ARAP2: variants seen among roughly 807,000 people sequenced by gnomAD.
The protein encoded by ARAP2 is ArfGAP with RhoGAP domain, ankyrin repeat and PH domain 2.
Under a neutral mutation model 194.5 loss-of-function variants are expected in ARAP2, and 148 were observed. That is an observed-to-expected ratio of 0.76 (90% CI 0.67 to 0.87). The LOEUF is 0.87. Among genes scored for constraint, ARAP2 ranks in the 40% least tolerant of loss-of-function variants. ARAP2 has a pLI of 0.00. For synonymous variants in ARAP2, 695 were observed against 683.5 expected (o/e 1.02, Z -0.26); for missense variants, 2,128 against 1,989.7 (o/e 1.07, Z -1.32).
In ARAP2 at chr4:36,080,197, G is replaced by T; in HGVS notation, c.4608+19C>A. On this transcript the variant is annotated intron_variant, in intron 31 of 32. Transcript: ENST00000303965. ...CAAAGTTATTATACTCTACTGGATAGTTCAAACAAATCTCGTACCTGGGCA... is the reference window on the plus strand; with the variant it reads ...CAAAGTTATTATACTCTACTGGATATTTCAAACAAATCTCGTACCTGGGCA... 3 of 1,605,722 alleles carry T rather than the reference G, an allele frequency of 1.9e-6. No homozygotes were observed. The highest frequency in any genetic ancestry group is 3.3e-5 in the Admixed American group (2 of 59,904).
At chr4:36,030,183 A>T (rs1024946324) in intron 5 of ARAP2, among the ~76,000 whole-genome samples, 1 of 152,086 alleles carries the variant, frequency 6.6e-6, no homozygotes, top group Admixed American at 6.5e-5. Context: ...CTTGGCTGGA[A>T]ATAAGATTCT....
rs10632831 is a variant in ARAP2 at position 36,096,362 on chromosome 4, C to CAAAA, written c.4286-4346_4286-4343dup. On this transcript the variant is annotated intron_variant, in intron 27 of 32. Transcript: ENST00000303965. ...TCTGGGCGGCAGAGTGAGACTCTCT[C>CAAAA]AAAAAAAAAAAAAAAAAAGAAAAAG... Among the ~76,000 whole-genome samples, 12 of 80,912 alleles carry CAAAA rather than the reference C, an allele frequency of 1.5e-4. No homozygotes were observed. The East Asian group carries it at 2.0e-3, about 13-fold the overall frequency. 53.1% of individuals were successfully genotyped at this position (80,912 alleles called of 152,430 possible).
chr4:36,180,596 T>C (rs1739006986), intron 8 of ARAP2, among the ~76,000 whole-genome samples: 1 of 152,234 alleles, frequency 6.6e-6, no homozygotes, highest in Non-Finnish European at 1.5e-5. Context: ...TGTTTGTTTC[T>C]TTATTTGTGC....
chr4:36,083,299 C>T (rs910382658), intron 29 of ARAP2, 69 bp downstream of exon 29: 5 of 1,142,004 alleles, frequency 4.4e-6, no homozygotes, highest in African/African-American at 3.1e-5. Context: ...GCCACTGATC[C>T]CTAAATCCTT....
At chr4:36,137,633 T>C (rs1211758068) in intron 19 of ARAP2, among the ~76,000 whole-genome samples, 3 of 151,668 alleles carry the variant, frequency 2.0e-5, no homozygotes, top group African/African-American at 7.3e-5. Context: ...ACTGGAAATA[T>C]CTCTGCCAAG....
At chr4:36,062,844 T>C (rs1334669555), downstream of ARAP2, among the ~76,000 whole-genome samples, 3 of 152,190 alleles carry the variant, frequency 2.0e-5, no homozygotes, top group African/African-American at 4.8e-5. Context: ...ATGTAATTTG[T>C]AATATTTTAA....
intron 6 of ARAP2, among the ~76,000 whole-genome samples, chr4:36,207,116 A>G (rs1745703955): frequency 6.6e-6 from 1 of 152,246 alleles, no homozygotes; most frequent in Non-Finnish European, 1.5e-5. Context: ...TTTTCTTTAC[A>G]ACAGCTTCAA....
intron 32 of ARAP2, among the ~76,000 whole-genome samples, chr4:36,072,757 T>C (rs2109315284): frequency 6.6e-6 from 1 of 151,634 alleles, no homozygotes; most frequent in Middle Eastern, 3.5e-3. Context: ...ACATATTCCT[T>C]ACTTTGATTA....
At chr4:36,102,436 G>T (rs577416377) in intron 27 of ARAP2, among the ~76,000 whole-genome samples, 1 of 151,906 alleles carries the variant, frequency 6.6e-6, no homozygotes, top group Non-Finnish European at 1.5e-5. Flanking sequence ...GTCAGTACTT[G>T]CTCAGTTATA....
At chr4:36,134,532 C>T (rs1299451110) in intron 19 of ARAP2, among the ~76,000 whole-genome samples, 1 of 151,686 alleles carries the variant, frequency 6.6e-6, no homozygotes. Flanking sequence ...TTTCCCAATT[C>T]TCAACCCCTG....
At chr4:36,172,198 C>A (rs377646669) in intron 9 of ARAP2, among the ~76,000 whole-genome samples, 3 of 152,180 alleles carry the variant, frequency 2.0e-5, no homozygotes, top group African/African-American at 7.2e-5. Context: ...CTTAGCAGAT[C>A]TGGCCACTGC....
At chr4:36,099,553 G>T (rs1716291227) in intron 27 of ARAP2, among the ~76,000 whole-genome samples, 1 of 151,980 alleles carries the variant, frequency 6.6e-6, no homozygotes, top group Admixed American at 6.6e-5. Context: ...AGCCTTCCCT[G>T]GTTTGTGACA....
At chr4:36,222,791 A>C (rs1749465549) in intron 2 of ARAP2, among the ~76,000 whole-genome samples, 1 of 152,040 alleles carries the variant, frequency 6.6e-6, no homozygotes, top group Non-Finnish European at 1.5e-5. Context: ...TGTATGTTTG[A>C]AATTTTCCAA....
chr4:36,034,259 T>C (rs1378638969), intron 5 of ARAP2, among the ~76,000 whole-genome samples: 1 of 152,176 alleles, frequency 6.6e-6, no homozygotes, highest in Non-Finnish European at 1.5e-5. Context: ...ATGATATTGA[T>C]TCTTCCTATA....
At chr4:36,049,373 C>A (rs1264847940) in intron 3 of ARAP2, among the ~76,000 whole-genome samples, 1 of 152,126 alleles carries the variant, frequency 6.6e-6, no homozygotes, top group Non-Finnish European at 1.5e-5. Flanking sequence ...AACTCTACAG[C>A]AGGTGGCAAA....
intron 5 of ARAP2, among the ~76,000 whole-genome samples, chr4:36,038,241 GA>G (rs1286258287): frequency 2.0e-5 from 3 of 152,152 alleles, no homozygotes; most frequent in African/African-American, 7.2e-5. Context: ...TGTGAAGAGT[GA>G]AGATATGCAT....
intron 5 of ARAP2, among the ~76,000 whole-genome samples, chr4:36,023,652 G>T (rs1717394936): frequency 6.6e-6 from 1 of 152,140 alleles, no homozygotes; most frequent in Admixed American, 6.6e-5. Context: ...GCCATTGAAT[G>T]AATATGATAA....
Position 36,187,473 on chromosome 4 carries a change from A to C in ARAP2, c.1656T>G (p.Phe552Leu), listed in dbSNP as rs1335951514. Residue 552 changes from phenylalanine (F) to leucine (L), a missense_variant, in exon 8 of 33, where the codon TTT (phenylalanine) becomes TTG (leucine). Physicochemically the swap from Phe to Leu is conservative, Grantham distance 22. Transcript: ENST00000303965. ...KFEVVTTQRT[F>L]VFRVEKEEER... ...CACCTTCTTTTTCTACTCTAAAAAC[A>C]AAAGTTCTTTGTGTTGTAACAACTT... 4.1e-6 allele frequency: 6 copies of C among 1,463,298 alleles called. No individual in the cohort carries two copies. Among genetic ancestry groups the C allele is most frequent in the Non-Finnish European group, 5.5e-6 (6 of 1,083,102 alleles). The allele number at this position is 1,463,298 out of a possible 1,614,324, so 90.6% of individuals were successfully genotyped here. A position where few individuals can be genotyped will look rare whatever the true frequency, so the allele number is the denominator to read the frequency against.
chr4:36,048,342 A>G (rs976978024), intron 3 of ARAP2, among the ~76,000 whole-genome samples: 1 of 151,998 alleles, frequency 6.6e-6, no homozygotes, highest in Non-Finnish European at 1.5e-5. Context: ...CCAAATAGGT[A>G]GTTTTTCAAT....
Sources: gnomAD v4.1 joint callset for allele counts (sites outside exome capture counted in the v4.1 genomes callset) on GRCh38, gnomAD v4.1.1 for gene constraint, MANE v1.5 for transcripts, NCBI Gene and HGNC (gene_info 2026-07-23, HGNC 2026-07-21) for gene names.